The following CNNM4 variants were observed in gnomAD, a reference collection of about 807,000 sequenced individuals.
The protein encoded by CNNM4 is metal transporter CNNM4.
In CNNM4, 32 loss-of-function variants were observed where a neutral mutation model predicts 53.7. The ratio of observed to expected loss-of-function variants is 0.60; its 90% CI spans 0.45 to 0.80. The LOEUF is 0.80. Among genes scored for constraint, CNNM4 ranks in the 30% least tolerant of loss-of-function variants. The pLI is 0.00. For synonymous variants in CNNM4, 410 were observed against 440.0 expected, an observed-to-expected ratio of 0.93 and a Z score of 0.85; for missense variants, 784 against 1,022.0, an observed-to-expected ratio of 0.77 and a Z score of 3.17.
intron 5 of CNNM4, among the ~76,000 whole-genome samples, chr2:96,805,194 C>T (rs1301844774): frequency 6.6e-6 from 1 of 151,892 alleles, no homozygotes; most frequent in Admixed American, 6.6e-5. Flanking sequence ...TAGATACTTG[C>T]ACTTGATCCT....
intron 1 of CNNM4, among the ~76,000 whole-genome samples, chr2:96,770,494 C>G (rs956469072): frequency 6.6e-6 from 1 of 152,230 alleles, no homozygotes; most frequent in Non-Finnish European, 1.5e-5. Context: ...GTTTTCCACT[C>G]TGGTACGTGT....
At chr2:96,769,021 GC>G (rs1224491499) in intron 1 of CNNM4, among the ~76,000 whole-genome samples, 1 of 152,232 alleles carries the variant, frequency 6.6e-6, no homozygotes, top group African/African-American at 2.4e-5. Context: ...GGAGGCCGAG[GC>G]GGGCGGATCA....
At chr2:96,794,523 G>A (rs1022493814) in intron 1 of CNNM4, among the ~76,000 whole-genome samples, 1 of 152,104 alleles carries the variant, frequency 6.6e-6, no homozygotes, top group Non-Finnish European at 1.5e-5. Flanking sequence ...TTCGTTCCGC[G>A]CTTTATTCAT....
intron 1 of CNNM4, among the ~76,000 whole-genome samples, chr2:96,794,901 G>A (rs1439074830): frequency 1.3e-5 from 2 of 152,124 alleles, no homozygotes; most frequent in African/African-American, 4.8e-5. Context: ...GGTACAGGTT[G>A]GGCATCCCGA....
chr2:96,806,536 CGCGCGCGCGCGCG>C (rs947397910), intron 5 of CNNM4, among the ~76,000 whole-genome samples: 2 of 102,326 alleles, frequency 2.0e-5, no homozygotes, highest in African/African-American at 9.1e-5. Flanking sequence ...CACACACACA[CGCGCGCGCGCGCG>C]CGCGCCCTTA....
intron 1 of CNNM4, among the ~76,000 whole-genome samples, chr2:96,793,076 GTC>G (rs1354330600): frequency 1.3e-5 from 2 of 152,112 alleles, no homozygotes; most frequent in Non-Finnish European, 2.9e-5. Flanking sequence ...TGAGTTCTGA[GTC>G]TCTCCAGCAT....
rs573691612 is a variant in CNNM4 at position 96,800,899 on chromosome 2, G to T, written c.1948+1251G>T. ...CCAGCTTCTGCCTGTCTCCGCACAG[G>T]GCTCACCGCTGTGCCCTGAGCACCC... On this transcript the variant is annotated intron_variant, in intron 5 of 6. Transcript: ENST00000377075. This position sits in a 1 kb window ranked among gnomAD's most constrained non-coding sequence, Gnocchi z 4.6. Among the ~76,000 whole-genome samples the T allele has an allele frequency of 8.5e-5, 13 of 152,164 alleles. No individual in the cohort carries two copies. The highest frequency in any genetic ancestry group is 8.5e-4 in the Admixed American group (13 of 15,286).
intron 1 of CNNM4, among the ~76,000 whole-genome samples, chr2:96,795,492 C>G (rs376827071): frequency 3.3e-5 from 5 of 152,140 alleles, no homozygotes; most frequent in Admixed American, 6.5e-5. Context: ...GCAGTACCCC[C>G]CCCCCCATCA....
chr2:96,765,946 G>T (rs549185795), intron 1 of CNNM4, among the ~76,000 whole-genome samples: 1 of 151,064 alleles, frequency 6.6e-6, no homozygotes, highest in African/African-American at 2.4e-5. Context: ...ACCACGCCCG[G>T]CTATTTTTTG....
intron 1 of CNNM4, chr2:96,788,765 A>G (rs1331700021): frequency 2.6e-5 from 4 of 152,180 alleles, no homozygotes; most frequent in Admixed American, 6.5e-5. Context: ...GGCCCCTGGG[A>G]TCTCAGAGGC....
At chr2:96,773,353 T>C (rs528465841) in intron 1 of CNNM4, among the ~76,000 whole-genome samples, 5 of 152,268 alleles carry the variant, frequency 3.3e-5, no homozygotes, top group East Asian at 3.9e-4. Context: ...TGCGTAATCA[T>C]GCTGTAAATA....
intron 1 of CNNM4, among the ~76,000 whole-genome samples, chr2:96,792,943 G>A (rs1350254121): frequency 1.3e-5 from 2 of 152,156 alleles, no homozygotes; most frequent in South Asian, 2.1e-4. Context: ...TATTAGTGAC[G>A]TCAGGCAGCA....
Position 96,761,387 on chromosome 2 carries a change from G to A in CNNM4, c.388G>A (p.Gly130Ser), listed in dbSNP as rs370665884. The change falls in exon 1 of 7, where the codon GGC becomes AGC. Residue 130 changes from glycine (G) to serine (S), a missense_variant. By Grantham distance (56) the Gly-to-Ser change is moderately conservative. Coordinates refer to ENST00000377075, the MANE Select transcript of CNNM4 (RefSeq NM_020184.4). The surrounding 1 kb of genome is among the most constrained non-coding windows in gnomAD (Gnocchi z 6.0). The part of the protein sequence containing the change: ...LVNVSRGNTS[G>S]VLVVLTKFLR... ...CAACGTGAGCCGCGGGAACACGTCC[G>A]GCGTGCTGGTGGTGCTCACCAAGTT... The A allele has an allele frequency of 6.2e-7, 1 of 1,614,084 alleles. No homozygotes were observed. Among genetic ancestry groups the A allele is most frequent in the Non-Finnish European group, 8.5e-7 (1 of 1,180,034 alleles).
At chr2:96,777,283 T>C (rs2078933992) in intron 1 of CNNM4, among the ~76,000 whole-genome samples, 1 of 152,168 alleles carries the variant, frequency 6.6e-6, no homozygotes. Context: ...CCTCCCAAAG[T>C]GCTGGGATTA....
intron 5 of CNNM4, among the ~76,000 whole-genome samples, chr2:96,802,516 A>T (rs911702135): frequency 6.6e-6 from 1 of 152,238 alleles, no homozygotes; most frequent in Non-Finnish European, 1.5e-5. Context: ...CATGAGGGGC[A>T]TGGCCCCGGG....
At chr2:96,803,623 G>C (rs1409340766) in intron 5 of CNNM4, among the ~76,000 whole-genome samples, 1 of 151,948 alleles carries the variant, frequency 6.6e-6, no homozygotes, top group East Asian at 1.9e-4. Context: ...CTACTTGGGA[G>C]GCTGAGGCAA....
At chr2:96,799,261 C>T (rs781628828) in intron 4 of CNNM4, 35 bp downstream of exon 4, 11 of 1,612,212 alleles carry the variant, frequency 6.8e-6, no homozygotes, top group Admixed American at 3.3e-5. Flanking sequence ...GCCACCTGCT[C>T]CCCCTGGCAC....
chr2:96,771,570 C>T lies in CNNM4; in HGVS notation c.1402+9169C>T, dbSNP rs958247429. Among the ~76,000 whole-genome samples, 9 of 151,844 alleles carry T rather than the reference C, an allele frequency of 5.9e-5. No individual in the cohort carries two copies. The South Asian group carries it at 8.3e-4, about 14-fold the overall frequency. Reference sequence around the variant, plus strand: ...TTAGACAAATACAAAAAATTTTAGCCGGTCGTGGTGGTGCATGCCTGTAAT... The same window carrying T: ...TTAGACAAATACAAAAAATTTTAGCTGGTCGTGGTGGTGCATGCCTGTAAT... On this transcript the variant is annotated intron_variant, in intron 1 of 6. Coordinates refer to ENST00000377075, the MANE Select transcript of CNNM4 (RefSeq NM_020184.4).
chr2:96,799,333 G>T (rs1331794462), intron 4 of CNNM4, 107 bp downstream of exon 4: 87 of 1,470,818 alleles, frequency 5.9e-5, no homozygotes, highest in Non-Finnish European at 8.2e-5. Flanking sequence ...CCCTGCCTGG[G>T]GAGCCTGCTG....
Sources: allele counts gnomAD v4.1 joint callset (sites outside exome capture counted in the v4.1 genomes callset), GRCh38; gene constraint gnomAD v4.1.1; non-coding constraint Gnocchi (gnomAD v3.1); transcripts MANE v1.5; gene names NCBI Gene and HGNC (gene_info 2026-07-23, HGNC 2026-07-21).